Variants in MAP4K3 observed in about 807,000 individuals in gnomAD.
MAP4K3 encodes mitogen-activated protein kinase kinase kinase kinase 3.
A neutral mutation model predicts 143.5 loss-of-function variants in MAP4K3; 94 were observed. The ratio of observed to expected loss-of-function variants is 0.65; its 90% CI spans 0.55 to 0.78. The LOEUF is 0.78. MAP4K3 is among the 30% of genes least tolerant of loss of function. The pLI, the probability that MAP4K3 is intolerant of heterozygous loss-of-function variation, is 0.00. For missense variants in MAP4K3, 1,077 were observed against 1,068.1 expected (o/e 1.01, Z -0.12); for synonymous variants, 416 against 347.2 (o/e 1.20, Z -2.20).
At chr2:39,375,027 C>T (rs1666180204) in intron 2 of MAP4K3, among the ~76,000 whole-genome samples, 1 of 152,008 alleles carries the variant, frequency 6.6e-6, no homozygotes, top group African/African-American at 2.4e-5. Flanking sequence ...TTTGGAAGGC[C>T]GAGGTGAGAG....
At chr2:39,328,176 C>G (rs1683554451) in intron 8 of MAP4K3, among the ~76,000 whole-genome samples, 1 of 152,002 alleles carries the variant, frequency 6.6e-6, no homozygotes, top group African/African-American at 2.4e-5. Flanking sequence ...ACCAAAAATG[C>G]AAAAATTAGC....
chr2:39,343,192 A>G (rs1368029077), intron 4 of MAP4K3, among the ~76,000 whole-genome samples, 196 bp downstream of exon 4: 1 of 152,204 alleles, frequency 6.6e-6, no homozygotes, highest in African/African-American at 2.4e-5. Context: ...ATTCAAATGC[A>G]TTTAATTTTC....
chr2:39,420,461 G>T (rs920482979), intron 1 of MAP4K3, among the ~76,000 whole-genome samples: 13 of 151,946 alleles, frequency 8.6e-5, no homozygotes, highest in African/African-American at 3.1e-4. Flanking sequence ...GTGTTGCCTA[G>T]GCTGGAGTGC....
chr2:39,291,812 G>A (rs1682057961), intron 18 of MAP4K3, among the ~76,000 whole-genome samples: 1 of 152,038 alleles, frequency 6.6e-6, no homozygotes, highest in African/African-American at 2.4e-5. Context: ...GGAGGTCGAG[G>A]CTGCAGTGAG....
chr2:39,271,460 A>G (rs1177094462), intron 26 of MAP4K3, among the ~76,000 whole-genome samples: 1 of 152,244 alleles, frequency 6.6e-6, no homozygotes. Context: ...GTAAAATACA[A>G]TTTATACCAG....
Position 39,337,558 on chromosome 2 carries a change from G to C in MAP4K3, c.334C>G (p.Gln112Glu). The change falls in exon 5 of 34, where the codon CAA becomes GAA. Residue 112 changes from glutamine to glutamate, a missense_variant. Coordinates refer to ENST00000263881, the MANE Select transcript of MAP4K3 (RefSeq NM_003618.4). The part of the protein sequence containing the change: ...YHVTGPLSEL[Q>E]IAYVSRETLQ... ...GTTTCTCTGCTAACATATGCAATTT[G>C]CAGTTCTGACAGAGGTCCAGTTACT... 6.2e-7 allele frequency: 1 copy of C among 1,611,260 alleles called. No individual in the cohort carries two copies. The highest frequency in any genetic ancestry group is 1.3e-5 in the African/African-American group (1 of 74,954).
chr2:39,364,065 G>A (rs889047668), intron 2 of MAP4K3, among the ~76,000 whole-genome samples: 1 of 151,166 alleles, frequency 6.6e-6, no homozygotes, highest in African/African-American at 2.4e-5. Flanking sequence ...ACTGTTGATG[G>A]GAATGTAAAA....
intron 1 of MAP4K3, among the ~76,000 whole-genome samples, chr2:39,406,759 C>A (rs542525427): frequency 2.6e-5 from 4 of 152,154 alleles, no homozygotes; most frequent in African/African-American, 9.6e-5. Context: ...AAAAAGGATG[C>A]TAATCAGCAA....
Position 39,254,523 on chromosome 2 carries a change from A to G in MAP4K3, c.2471-3T>C, listed in dbSNP as rs1202020913. The G allele has an allele frequency of 1.2e-6, 2 of 1,613,024 alleles. No homozygotes were observed. The highest frequency in any genetic ancestry group is 2.2e-5 in the South Asian group (2 of 90,954). On this transcript the variant is annotated splice_polypyrimidine_tract_variant and splice_region_variant and intron_variant, in intron 31 of 33. Coordinates refer to ENST00000263881, the MANE Select transcript of MAP4K3 (RefSeq NM_003618.4). ...TAGCACACTGTCTTGTAGGCACACT[A>G]GCAGGCAAGAACAGCTCAATTACTG...
intron 1 of MAP4K3, among the ~76,000 whole-genome samples, chr2:39,419,917 G>C (rs990233250): frequency 6.6e-6 from 1 of 152,170 alleles, no homozygotes; most frequent in African/African-American, 2.4e-5. Flanking sequence ...CACAGGATGG[G>C]GACAGGCAAA....
intron 1 of MAP4K3, among the ~76,000 whole-genome samples, chr2:39,409,696 T>C (rs1469620020): frequency 3.9e-5 from 6 of 152,036 alleles, no homozygotes; most frequent in Non-Finnish European, 2.9e-5. Context: ...ATACTCAGAG[T>C]TGAAAATAAA....
chr2:39,343,541 C>T, intron 3 of MAP4K3, 89 bp from the exon 4 acceptor site: 2 of 940,584 alleles, frequency 2.1e-6, no homozygotes, highest in East Asian at 2.4e-5. Context: ...TAAGCTGTAA[C>T]ACTGAAAAAC....
At chr2:39,404,165 T>A (rs536286698) in intron 1 of MAP4K3, among the ~76,000 whole-genome samples, 8 of 152,058 alleles carry the variant, frequency 5.3e-5, no homozygotes, top group Middle Eastern at 3.4e-3. Context: ...TTGTGGTAGC[T>A]ACAGTGAAAG....
intron 2 of MAP4K3, among the ~76,000 whole-genome samples, chr2:39,367,834 G>A (rs1348990946): frequency 6.6e-6 from 1 of 152,142 alleles, no homozygotes; most frequent in East Asian, 1.9e-4. Context: ...TATGTATTAT[G>A]CATATATACA....
At chr2:39,410,559 T>C (rs1333096010) in intron 1 of MAP4K3, among the ~76,000 whole-genome samples, 1 of 152,186 alleles carries the variant, frequency 6.6e-6, no homozygotes, top group Non-Finnish European at 1.5e-5. Context: ...TACATGATTT[T>C]GGAACACATA....
intron 3 of MAP4K3, among the ~76,000 whole-genome samples, chr2:39,345,291 AG>A (rs1665255087): frequency 1.3e-5 from 1 of 74,784 alleles, no homozygotes; most frequent in Non-Finnish European, 3.0e-5. Context: ...GGCAGGGTGC[AG>A]GGGGTCGGGG....
Position 39,378,052 on chromosome 2 carries a change from T to G in MAP4K3, c.154+14A>C, listed in dbSNP as rs751752306. 2.0e-6 allele frequency: 3 copies of G among 1,503,128 alleles called. No individual in the cohort carries two copies. Among genetic ancestry groups the G allele is most frequent in the Non-Finnish European group, 2.8e-6 (3 of 1,089,452 alleles). 93.1% of individuals were successfully genotyped at this position (1,503,128 alleles called of 1,614,324 possible). ...TTTCTAGCAGTAAGAAAAAATGAAT[T>G]TCAAACAATTTACCTGGTTCCAATT... On this transcript the variant is annotated intron_variant, in intron 2 of 33. Coordinates refer to ENST00000263881, the MANE Select transcript of MAP4K3 (RefSeq NM_003618.4).
chr2:39,360,816 CA>C (rs1240972112), intron 2 of MAP4K3, among the ~76,000 whole-genome samples: 1 of 152,108 alleles, frequency 6.6e-6, no homozygotes, highest in Non-Finnish European at 1.5e-5. Context: ...AGAACAGCAG[CA>C]GGGGGTAACT....
chr2:39,301,746 G>A (rs185649815), intron 15 of MAP4K3, among the ~76,000 whole-genome samples: 34 of 152,188 alleles, frequency 2.2e-4, no homozygotes, highest in Admixed American at 1.8e-3. Flanking sequence ...GAAATAGGCC[G>A]GGCGCAGTGG....
Sources: gnomAD v4.1 joint callset for allele counts (sites outside exome capture counted in the v4.1 genomes callset) on GRCh38, gnomAD v4.1.1 for gene constraint, MANE v1.5 for transcripts, NCBI Gene and HGNC (gene_info 2026-07-23, HGNC 2026-07-21) for gene names.